CNTN1: variants seen among roughly 807,000 people sequenced by gnomAD.
CNTN1 encodes contactin 1, also known as contactin-1.
A neutral mutation model predicts 126.4 loss-of-function variants in CNTN1; 38 were observed. That is an observed-to-expected ratio of 0.30 (90% CI 0.23 to 0.39). CNTN1 has a LOEUF of 0.39. Among genes scored for constraint, CNTN1 ranks in the 10% least tolerant of loss-of-function variants. CNTN1 has a pLI of 1.00. For synonymous variants in CNTN1, 413 were observed against 422.6 expected (o/e 0.98, Z 0.28); for missense variants, 1,009 against 1,248.4 (o/e 0.81, Z 2.89).
At position 41,007,044 on chromosome 12, in the gene CNTN1, G is replaced by GTTTTTT. The variant is rs1377932314; in HGVS notation, c.2114-7184_2114-7183insTTTTTT. Among the ~76,000 whole-genome samples the GTTTTTT allele has an allele frequency of 2.4e-4, 30 of 123,486 alleles. 1 individual carries two copies. The highest frequency in any genetic ancestry group is 8.4e-4 in the African/African-American group (27 of 32,168). The allele number at this position is 123,486 out of a possible 152,430, so 81.0% of individuals were successfully genotyped here. Reference sequence around the variant, plus strand: ...TTGGCAGTTAAAAGCAGTTTTGTGTGGTTTTTTTTTTTTTTTTTTTTTTTT... The same window carrying GTTTTTT: ...TTGGCAGTTAAAAGCAGTTTTGTGTGTTTTTTGTTTTTTTTTTTTTTTTTTTTTTTT... On this transcript the variant is annotated intron_variant, in intron 17 of 23. Transcript: ENST00000551295.
Position 40,929,947 on chromosome 12 carries a change from T to G in CNTN1, c.648T>G (p.Pro216=). 1.9e-6 allele frequency: 3 copies of G among 1,612,930 alleles called. 1 individual carries two copies. The highest frequency in any genetic ancestry group is 1.7e-4 in the Middle Eastern group (1 of 6,056). ...KGNYSCFVSS[P]SITKSVFSKF... ...ATTATTCCTGCTTTGTTTCCAGTCC[T>G]TCTATTACAAAGAGCGTGTTCAGCA... The change falls in exon 7 of 24, where the codon CCT becomes CCG. Residue 216 remains proline (P), a synonymous_variant. Transcript: ENST00000551295.
At chr12:40,849,575 G>T (rs945832864) in intron 1 of CNTN1, among the ~76,000 whole-genome samples, 1 of 151,994 alleles carries the variant, frequency 6.6e-6, no homozygotes, top group Non-Finnish European at 1.5e-5. Context: ...AGGTAACTGT[G>T]CTAGCCATTA....
intron 1 of CNTN1, among the ~76,000 whole-genome samples, chr12:40,749,387 C>G (rs1938306664): frequency 6.6e-6 from 1 of 152,054 alleles, no homozygotes; most frequent in South Asian, 2.1e-4. Flanking sequence ...TATCCTTATG[C>G]TTAGTCCTGC....
chr12:41,030,363 C>T (rs1592430452), intron 23 of CNTN1, among the ~76,000 whole-genome samples: 1 of 151,936 alleles, frequency 6.6e-6, no homozygotes, highest in African/African-American at 2.4e-5. Flanking sequence ...TACATATATA[C>T]ATCCTTTACA....
chr12:40,886,742 G>C (rs1446197358), intron 1 of CNTN1, among the ~76,000 whole-genome samples: 1 of 152,092 alleles, frequency 6.6e-6, no homozygotes, highest in African/African-American at 2.4e-5. Flanking sequence ...ATTAATTTTT[G>C]TATAAGGTGT....
chr12:40,848,219 T>G (rs1402842740), intron 1 of CNTN1, among the ~76,000 whole-genome samples: 1 of 152,218 alleles, frequency 6.6e-6, no homozygotes, highest in East Asian at 1.9e-4. Flanking sequence ...GACATCAGAA[T>G]TCATATAAGG....
intron 1 of CNTN1, among the ~76,000 whole-genome samples, chr12:40,873,206 A>C (rs1258457914): frequency 6.6e-6 from 1 of 152,228 alleles, no homozygotes; most frequent in Non-Finnish European, 1.5e-5. Flanking sequence ...AATTCTAAAA[A>C]GTGCTATAAG....
intron 1 of CNTN1, among the ~76,000 whole-genome samples, chr12:40,876,794 C>G (rs775145382): frequency 1.6e-4 from 25 of 152,010 alleles, no homozygotes; most frequent in Non-Finnish European, 3.2e-4. Context: ...AATTGTGTAT[C>G]TGTTGGACAA....
At chr12:41,038,643 A>T (rs187565625) in intron 23 of CNTN1, among the ~76,000 whole-genome samples, 1 of 152,320 alleles carries the variant, frequency 6.6e-6, no homozygotes, top group Admixed American at 6.5e-5. Flanking sequence ...AACAGAGGTC[A>T]TTGGTAGGTT....
intron 1 of CNTN1, among the ~76,000 whole-genome samples, chr12:40,834,133 T>G (rs913831): frequency 0.63 from 95,512 of 152,130 alleles, 30,180 homozygotes; most frequent in East Asian, 0.77. Context: ...ACAAGAATCA[T>G]ACCACACAGA....
intron 1 of CNTN1, among the ~76,000 whole-genome samples, chr12:40,744,203 G>A (rs1352005499): frequency 1.3e-5 from 2 of 151,898 alleles, no homozygotes; most frequent in African/African-American, 2.4e-5. Flanking sequence ...ATACCTAGGC[G>A]ATGGGTTGAT....
chr12:40,939,608 A>T, intron 12 of CNTN1, 123 bp downstream of exon 12: 1 of 1,040,708 alleles, frequency 9.6e-7, no homozygotes, highest in Non-Finnish European at 1.4e-6. Context: ...TTCACAGAAG[A>T]TCCTGTAGTT....
At chr12:40,858,514 A>G (rs545145425) in intron 1 of CNTN1, among the ~76,000 whole-genome samples, 6 of 152,158 alleles carry the variant, frequency 3.9e-5, no homozygotes, top group African/African-American at 1.4e-4. Context: ...TGGAGAGGCT[A>G]TGGAGATGTT....
At position 40,936,923 on chromosome 12, in the gene CNTN1, C is replaced by T. The variant is rs766880528; in HGVS notation, c.1110+18C>T. On this transcript the variant is annotated intron_variant, in intron 10 of 23. Coordinates refer to ENST00000551295, the MANE Select transcript of CNTN1 (RefSeq NM_001843.4). ...GATATGCGGTATGTATGTTCAAGTG[C>T]TTTGCTGTTCCTGAGTCCCTGTTCA... The T allele has an allele frequency of 6.2e-7, 1 of 1,612,064 alleles. No individual in the cohort carries two copies. Among genetic ancestry groups the T allele is most frequent in the East Asian group, 2.2e-5 (1 of 44,804 alleles).
chr12:40,978,117 A>G (rs1947729921), intron 15 of CNTN1, among the ~76,000 whole-genome samples: 1 of 152,018 alleles, frequency 6.6e-6, no homozygotes, highest in African/African-American at 2.4e-5. Flanking sequence ...ACAATCCTAT[A>G]TGTTCGGTTT....
intron 17 of CNTN1, among the ~76,000 whole-genome samples, chr12:41,006,865 C>A (rs1001795965): frequency 3.9e-5 from 6 of 151,964 alleles, no homozygotes; most frequent in Non-Finnish European, 8.8e-5. Flanking sequence ...CTGGGTGGTG[C>A]CCAGATTGCA....
intron 1 of CNTN1, among the ~76,000 whole-genome samples, chr12:40,743,947 C>T (rs982828629): frequency 1.6e-4 from 25 of 152,052 alleles, no homozygotes; most frequent in Admixed American, 5.3e-4. Context: ...TGGAACACTA[C>T]GCAGCCATGA....
chr12:40,933,912 A>C lies in CNTN1; in HGVS notation c.985+34A>C, dbSNP rs761778883. On this transcript the variant is annotated intron_variant, in intron 9 of 23. Coordinates refer to ENST00000551295, the MANE Select transcript of CNTN1 (RefSeq NM_001843.4). The stretch of plus-strand genomic sequence containing the variant: ...ATTATTTTAATTTTGTATAAATTTC[A>C]TCAGTATCTTATTTAGAGCCATTTC... 5 of 1,548,412 alleles carry C rather than the reference A, an allele frequency of 3.2e-6. No homozygotes were observed. The South Asian group carries it at 5.6e-5, about 17-fold the overall frequency.
At chr12:40,744,202 C>T (rs952856736) in intron 1 of CNTN1, among the ~76,000 whole-genome samples, 2 of 151,552 alleles carry the variant, frequency 1.3e-5, no homozygotes, top group African/African-American at 2.4e-5. Flanking sequence ...AATACCTAGG[C>T]GATGGGTTGA....
Sources: allele counts gnomAD v4.1 joint callset (sites outside exome capture counted in the v4.1 genomes callset), GRCh38; gene constraint gnomAD v4.1.1; transcripts MANE v1.5; gene names NCBI Gene and HGNC (gene_info 2026-07-23, HGNC 2026-07-21).